ESPN: variants seen among roughly 807,000 people sequenced by gnomAD.
The protein encoded by ESPN is espin, also known as autosomal recessive deafness type 36 protein.
Under a neutral mutation model 77.7 loss-of-function variants are expected in ESPN, and 68 were observed. The ratio of observed to expected loss-of-function variants is 0.87; its 90% CI spans 0.72 to 1.07. ESPN has a LOEUF of 1.07. ESPN is among the 50% of genes least tolerant of loss of function. The probability of loss-of-function intolerance (pLI) is 0.00; values close to 1 mark genes in which losing one functional copy is unlikely to be tolerated. For missense variants in ESPN, 1,060 were observed against 1,239.0 expected (o/e 0.86, Z 2.17); for synonymous variants, 449 against 567.1 (o/e 0.79, Z 2.96).
rs527293789 is a variant in ESPN, at chr1:6,437,962, G to C, written c.489-2292G>C. ...GTGGGTGGGCAAAGGGGGGTAGCCT[G>C]GTGCCCATTGATGGGCAGGCAACAA... On this transcript the variant is annotated intron_variant, in intron 2 of 12. Coordinates refer to ENST00000645284, the MANE Select transcript of ESPN (RefSeq NM_031475.3). The surrounding 1 kb of genome is among the most constrained non-coding windows in gnomAD (Gnocchi z 4.5). 2.0e-5 allele frequency among the ~76,000 whole-genome samples: 3 copies of C among 152,118 alleles called. No individual in the cohort carries two copies. The highest frequency in any genetic ancestry group is 2.9e-5 in the Non-Finnish European group (2 of 67,998).
intron 10 of ESPN, among the ~76,000 whole-genome samples, chr1:6,452,534 C>A (rs901686421): frequency 6.6e-6 from 1 of 152,198 alleles, no homozygotes; most frequent in Admixed American, 6.5e-5. Flanking sequence ...CCAGCTTGTC[C>A]TTGGAAGTGA....
intron 2 of ESPN, among the ~76,000 whole-genome samples, chr1:6,438,084 G>A (rs1197148903): frequency 3.3e-5 from 5 of 152,110 alleles, no homozygotes; most frequent in Non-Finnish European, 5.9e-5. Context: ...AGATGGGCAG[G>A]ATGTGAAGTC....
intron 5 of ESPN, 68 bp downstream of exon 5, chr1:6,441,133 T>A (rs896064055): frequency 1.4e-5 from 22 of 1,561,508 alleles, no homozygotes; most frequent in Non-Finnish European, 1.9e-5. Flanking sequence ...GTGGGTGTCG[T>A]CACCCCTTTT....
rs575640175 is a variant in ESPN, at chr1:6,446,050, A to G, written c.1464+115A>G. The G allele has an allele frequency of 1.5e-3, 1,632 of 1,079,004 alleles. 41 individuals are homozygous for G. In the South Asian group the frequency reaches 0.022, roughly 15 times the overall value. 66.8% of individuals were successfully genotyped at this position (1,079,004 alleles called of 1,614,324 possible). ...GCATAGGGTGGGGATCCCTGGGTCCATGGCATGTTCAAGAGTCAAAGCTCC... is the reference window on the plus strand; with the variant it reads ...GCATAGGGTGGGGATCCCTGGGTCCGTGGCATGTTCAAGAGTCAAAGCTCC... On this transcript the variant is annotated intron_variant, in intron 7 of 12. Coordinates refer to ENST00000645284, the MANE Select transcript of ESPN (RefSeq NM_031475.3).
In ESPN at chr1:6,451,604, C is replaced by T. The variant is rs1057521382; in HGVS notation, c.1917C>T (p.Ser639=). The T allele has an allele frequency of 6.2e-7, 1 of 1,612,706 alleles. No individual in the cohort carries two copies. The highest frequency in any genetic ancestry group is 8.5e-7 in the Non-Finnish European group (1 of 1,179,764). The change falls in exon 9 of 13, where the codon AGC becomes AGT. Residue 639 remains serine, a splice_region_variant and synonymous_variant. Transcript: ENST00000645284. The surrounding 1 kb of genome is among the most constrained non-coding windows in gnomAD (Gnocchi z 4.3). ...GQRRSSSSTG[S]TKSFNMMSPT... ...GCCTCATCTCCTGCCTCCGCATAGG[C>T]ACCAAGTCTTTCAACATGATGTCCC... is the stretch of plus-strand genomic sequence containing the variant.
intron 10 of ESPN, among the ~76,000 whole-genome samples, chr1:6,452,897 A>AT (rs1350694225): frequency 5.0e-5 from 7 of 138,724 alleles, no homozygotes; most frequent in African/African-American, 1.0e-4. Context: ...ATTTATTTTT[A>AT]TTTTTTATTT....
rs780899519 is a variant in ESPN at position 6,445,739 on chromosome 1, G to A, written c.1268G>A (p.Gly423Asp). 1.2e-6 allele frequency: 2 copies of A among 1,608,216 alleles called. No individual in the cohort carries two copies. Among genetic ancestry groups the A allele is most frequent in the African/African-American group, 1.3e-5 (1 of 74,652 alleles). The change falls in exon 7 of 13, where the codon GGC becomes GAC. Residue 423 changes from glycine to aspartate, a missense_variant. Coordinates refer to ENST00000645284, the MANE Select transcript of ESPN (RefSeq NM_031475.3). ...AACCCGGAGCTGGGCCTGCCTCGGG[G>A]CACGATTGGGAAGCCCACACCCCCA... The part of the protein sequence containing the change: ...MLNPELGLPR[G>D]TIGKPTPPPP...
intron 10 of ESPN, among the ~76,000 whole-genome samples, chr1:6,452,921 C>T (rs1643977530): frequency 6.9e-6 from 1 of 144,260 alleles, no homozygotes; most frequent in African/African-American, 2.9e-5. Context: ...GAGACAGGGT[C>T]TCACTCTGTT....
chr1:6,452,547 C>T (rs1643968367), intron 10 of ESPN, among the ~76,000 whole-genome samples: 1 of 152,204 alleles, frequency 6.6e-6, no homozygotes, highest in Non-Finnish European at 1.5e-5. Flanking sequence ...GGAAGTGAGA[C>T]AGCAGCCTTT....
rs763478520 is a variant in ESPN at position 6,448,888 on chromosome 1, C to T, written c.1712C>T (p.Pro571Leu). 5.6e-5 allele frequency: 74 copies of T among 1,332,072 alleles called. 1 individual carries two copies. In the Middle Eastern group the frequency reaches 1.4e-3, roughly 25 times the overall value. The allele number at this position is 1,332,072 out of a possible 1,614,324, so 82.5% of individuals were successfully genotyped here. ...RGSLEGPSAP[P>L]QAALLPGNHV... Reference sequence around the variant, plus strand: ...TCACTCGAAGGCCCCTCCGCTCCCCCGCAGGCGGCGCTGCTTCCTGGGAAC... The same window carrying T: ...TCACTCGAAGGCCCCTCCGCTCCCCTGCAGGCGGCGCTGCTTCCTGGGAAC... The change falls in exon 8 of 13, where the codon CCG becomes CTG. Residue 571 changes from proline to leucine, a missense_variant. Physicochemically the swap from Pro to Leu is moderately conservative, Grantham distance 98 (BLOSUM62 -3). Coordinates refer to ENST00000645284, the MANE Select transcript of ESPN (RefSeq NM_031475.3).
In ESPN at chr1:6,428,436, T is replaced by C. The variant is rs750146486; in HGVS notation, c.488+17T>C. The C allele has an allele frequency of 1.9e-6, 3 of 1,590,506 alleles. No homozygotes were observed. Among genetic ancestry groups the C allele is most frequent in the Non-Finnish European group, 1.7e-6 (2 of 1,163,146 alleles). On this transcript the variant is annotated intron_variant, in intron 2 of 12. Transcript: ENST00000645284. This position sits in a 1 kb window ranked among gnomAD's most constrained non-coding sequence, Gnocchi z 5.4. ...CTACCCTGAGTAAGATCACCCCTCT[T>C]AAGGGGTCCTCTGGGTGGGCTGGGC...
rs149674839 is a variant in ESPN at position 6,450,398 on chromosome 1, C to A, written c.1916-1205C>A. 6 of 908,640 alleles carry A rather than the reference C, an allele frequency of 6.6e-6. No individual in the cohort carries two copies. Among genetic ancestry groups the A allele is most frequent in the Non-Finnish European group, 6.6e-6 (5 of 759,258 alleles). 56.3% of individuals were successfully genotyped at this position (908,640 alleles called of 1,614,324 possible). ...TGCTGTCCCAGTCTCATCCTGCCCC[C>A]CCTCCCTCCTAACTCCGCTGTCACT... On this transcript the variant is annotated intron_variant, in intron 8 of 12. Transcript: ENST00000645284. This position sits in a 1 kb window ranked among gnomAD's most constrained non-coding sequence, Gnocchi z 4.3.
Position 6,460,674 on chromosome 1 carries a change from C to G in ESPN, c.*528C>G, listed in dbSNP as rs1239070179. ...TCCCCGCCAAGGGTTTCCTCTCAGT[C>G]ATTTGTTTACCAGAAACATGAAAAC... On this transcript the variant is annotated 3_prime_UTR_variant, in exon 13 of 13. Transcript: ENST00000645284. 6.0e-6 allele frequency: 1 copy of G among 166,770 alleles called. No individual in the cohort carries two copies. The highest frequency in any genetic ancestry group is 1.3e-5 in the Non-Finnish European group (1 of 76,500). The allele number at this position is 166,770 out of a possible 1,614,324, so 10.3% of individuals were successfully genotyped here.
Position 6,437,750 on chromosome 1 carries a change from G to C in ESPN, c.489-2504G>C, listed in dbSNP as rs1375316110. On this transcript the variant is annotated intron_variant, in intron 2 of 12. Coordinates refer to ENST00000645284, the MANE Select transcript of ESPN (RefSeq NM_031475.3). This position sits in a 1 kb window ranked among gnomAD's most constrained non-coding sequence, Gnocchi z 4.5. ...GAGTGGGGAGGGAGGAGAAATCAGT[G>C]AGTGGAGGTCCATGGGGGCTGCAGA... The C allele has an allele frequency of 6.6e-6, 1 of 152,386 alleles. No individual in the cohort carries two copies. Among genetic ancestry groups the C allele is most frequent in the East Asian group, 1.9e-4 (1 of 5,178 alleles). The allele number at this position is 152,386 out of a possible 1,614,324, so 9.4% of individuals were successfully genotyped here.
chr1:6,455,291 CT>C (rs1644031684), intron 10 of ESPN: 1 of 387,840 alleles, frequency 2.6e-6, no homozygotes, highest in African/African-American at 2.1e-5. Flanking sequence ...TCGTTTACCT[CT>C]TCCTGGAGCA....
At chr1:6,438,900 T>C (rs1397480424) in intron 2 of ESPN, among the ~76,000 whole-genome samples, 1 of 152,216 alleles carries the variant, frequency 6.6e-6, no homozygotes, top group African/African-American at 2.4e-5. Flanking sequence ...TCACTTGAGC[T>C]CAGGAGTCCG....
intron 10 of ESPN, 79 bp from the exon 11 acceptor site, chr1:6,457,105 C>T (rs1644070064): frequency 1.5e-6 from 2 of 1,365,106 alleles, no homozygotes; most frequent in Non-Finnish European, 2.0e-6. Context: ...GTGACCCTGA[C>T]TCCTTCAGGT....
chr1:6,455,296 T>G (rs1644031835), intron 10 of ESPN: 1 of 387,252 alleles, frequency 2.6e-6, no homozygotes, highest in Non-Finnish European at 4.6e-6. Context: ...TACCTCTTCC[T>G]GGAGCACTGG....
rs745953465 is a variant in ESPN at position 6,450,359 on chromosome 1, C to T, written c.1916-1244C>T. 10 of 445,804 alleles carry T rather than the reference C, an allele frequency of 2.2e-5. No homozygotes were observed. The highest frequency in any genetic ancestry group is 3.0e-5 in the Non-Finnish European group (10 of 336,328). 27.6% of individuals were successfully genotyped at this position (445,804 alleles called of 1,614,324 possible). The stretch of plus-strand genomic sequence containing the variant: ...TCCCCCCCGCCCGCTCTCCCTGGCC[C>T]GCTCCCTGTCCCCTGCTGTCCCAGT... On this transcript the variant is annotated intron_variant, in intron 8 of 12. Transcript: ENST00000645284. The surrounding 1 kb of genome is among the most constrained non-coding windows in gnomAD (Gnocchi z 4.3).
Sources: allele counts gnomAD v4.1 joint callset (sites outside exome capture counted in the v4.1 genomes callset), GRCh38; gene constraint gnomAD v4.1.1; non-coding constraint Gnocchi (gnomAD v3.1); transcripts MANE v1.5; gene names NCBI Gene and HGNC (gene_info 2026-07-23, HGNC 2026-07-21).